Variants in IL1RAPL2 observed in about 807,000 individuals in gnomAD.
The protein encoded by IL1RAPL2 is interleukin 1 receptor accessory protein like 2.
In IL1RAPL2, 3 loss-of-function variants were observed where a neutral mutation model predicts 44.1. The ratio of observed to expected loss-of-function variants is 0.07; its 90% CI spans 0.03 to 0.18. The LOEUF (loss-of-function observed/expected upper bound fraction) is 0.18. Ranked by LOEUF, IL1RAPL2 falls within the 10% of genes least tolerant of loss-of-function variation. The pLI, the probability that IL1RAPL2 is intolerant of heterozygous loss-of-function variation, is 1.00. For missense variants in IL1RAPL2, 391 were observed against 496.4 expected, an observed-to-expected ratio of 0.79 and a Z score of 2.02; for synonymous variants, 181 against 178.8, an observed-to-expected ratio of 1.01 and a Z score of -0.10.
intron 6 of IL1RAPL2, among the ~76,000 whole-genome samples, chrX:105,701,921 C>A (rs1423755449): frequency 9.0e-6 from 1 of 111,277 alleles, no homozygotes; most frequent in Non-Finnish European, 1.9e-5. Flanking sequence ...GCTCCAGGGC[C>A]TCTTATCCAG....
intron 5 of IL1RAPL2, among the ~76,000 whole-genome samples, chrX:105,474,267 A>G (rs968536477): frequency 1.8e-5 from 2 of 111,750 alleles, no homozygotes; most frequent in African/African-American, 6.5e-5. Context: ...AGAAGGTAGA[A>G]AAGGAAAAGG....
chrX:105,619,707 T>G (rs931624488), intron 6 of IL1RAPL2, among the ~76,000 whole-genome samples: 1 of 111,054 alleles, frequency 9.0e-6, no homozygotes, highest in Non-Finnish European at 1.9e-5. Context: ...ATAGTGCCAG[T>G]TGAGACAGAG....
chrX:104,890,523 T>C (rs1203117569), intron 2 of IL1RAPL2, among the ~76,000 whole-genome samples: 2 of 112,475 alleles, frequency 1.8e-5, no homozygotes, highest in East Asian at 5.6e-4. Flanking sequence ...CATTGTGGTT[T>C]TGATTTGCAT....
chrX:105,287,425 G>A (rs1266105147), intron 5 of IL1RAPL2, among the ~76,000 whole-genome samples: 1 of 111,551 alleles, frequency 9.0e-6, no homozygotes, highest in Admixed American at 9.6e-5. Context: ...GTAGGTAAGG[G>A]ACAGACAGTG....
intron 6 of IL1RAPL2, among the ~76,000 whole-genome samples, chrX:105,512,923 C>T (rs989064443): frequency 9.1e-6 from 1 of 110,207 alleles, no homozygotes; most frequent in African/African-American, 3.3e-5. Flanking sequence ...TCCCCTAGGC[C>T]CCCAACCCCC....
chrX:105,348,441 T>C (rs2035127602), intron 5 of IL1RAPL2, among the ~76,000 whole-genome samples: 1 of 112,178 alleles, frequency 8.9e-6, no homozygotes, highest in Admixed American at 9.5e-5. Context: ...GACTTGGTGG[T>C]TTAAATAAAT....
At chrX:104,907,581 A>G (rs1924059633) in intron 2 of IL1RAPL2, among the ~76,000 whole-genome samples, 1 of 111,746 alleles carries the variant, frequency 8.9e-6, no homozygotes, top group Non-Finnish European at 1.9e-5. Context: ...ATTCAGGAGC[A>G]GGTTGTTCAG....
chrX:105,131,313 A>G (rs1301514107), intron 2 of IL1RAPL2, among the ~76,000 whole-genome samples: 1 of 110,311 alleles, frequency 9.1e-6, no homozygotes, highest in African/African-American at 3.3e-5. Context: ...GTAAAAGGCC[A>G]GATAGTAAAC....
intron 5 of IL1RAPL2, among the ~76,000 whole-genome samples, chrX:105,335,438 C>T (rs977942932): frequency 9.0e-6 from 1 of 111,065 alleles, no homozygotes; most frequent in Non-Finnish European, 1.9e-5. Flanking sequence ...AAAAGTGAGT[C>T]CTCGGTTCAG....
chrX:104,876,651 CTTTT>C (rs777164255), intron 2 of IL1RAPL2, among the ~76,000 whole-genome samples: 1 of 64,708 alleles, frequency 1.5e-5, no homozygotes. Context: ...ATATAGCTTT[CTTTT>C]TTTTTTTTTT....
chrX:105,049,395 A>G (rs1279611593), intron 2 of IL1RAPL2, among the ~76,000 whole-genome samples: 4 of 111,726 alleles, frequency 3.6e-5, no homozygotes, highest in Non-Finnish European at 7.5e-5. Flanking sequence ...CATGTTAGGC[A>G]GATTTTCTTT....
intron 2 of IL1RAPL2, among the ~76,000 whole-genome samples, chrX:104,925,631 C>A (rs1384850563): frequency 1.8e-5 from 2 of 111,786 alleles, no homozygotes; most frequent in Non-Finnish European, 3.8e-5. Flanking sequence ...GCAAAAAAGT[C>A]TTTCAATAAA....
chrX:105,489,096 T>C (rs2036290524), intron 6 of IL1RAPL2, among the ~76,000 whole-genome samples: 1 of 112,076 alleles, frequency 8.9e-6, no homozygotes, highest in Non-Finnish European at 1.9e-5. Context: ...AACAAAATAA[T>C]CTGAAAACTA....
chrX:105,476,077 G>C (rs956509781), intron 5 of IL1RAPL2, among the ~76,000 whole-genome samples: 2 of 112,715 alleles, frequency 1.8e-5, no homozygotes, highest in African/African-American at 6.4e-5. Context: ...CAGGGGCAAT[G>C]GTCAGGTAAG....
chrX:105,630,974 A>G (rs1415091765), intron 6 of IL1RAPL2, among the ~76,000 whole-genome samples: 3 of 111,204 alleles, frequency 2.7e-5, no homozygotes, highest in Non-Finnish European at 5.7e-5. Flanking sequence ...CCATGATTAT[A>G]TAATAACTTG....
At chrX:104,842,418 G>C (rs998221530) in intron 2 of IL1RAPL2, among the ~76,000 whole-genome samples, 2 of 110,883 alleles carry the variant, frequency 1.8e-5, no homozygotes, top group East Asian at 5.7e-4. Flanking sequence ...TCTCCTTCCA[G>C]TTTTGAGCTC....
intron 6 of IL1RAPL2, among the ~76,000 whole-genome samples, chrX:105,673,797 T>A (rs2037844646): frequency 8.9e-6 from 1 of 112,115 alleles, no homozygotes; most frequent in African/African-American, 3.2e-5. Flanking sequence ...AGTGTAAAAG[T>A]GTTCCTCTTT....
In IL1RAPL2 at chrX:105,636,428, C is replaced by T. The variant is rs770858447; in HGVS notation, c.773-80939C>T. Among the ~76,000 whole-genome samples the T allele has an allele frequency of 8.7e-4, 96 of 110,949 alleles. 1 individual carries two copies. Among genetic ancestry groups the T allele is most frequent in the African/African-American group, 3.0e-3 (93 of 30,570 alleles). On this transcript the variant is annotated intron_variant, in intron 6 of 10. Transcript: ENST00000372582. The stretch of plus-strand genomic sequence containing the variant: ...TATAAGTAATGAATGAATTAAGGTG[C>T]CAGCGTATTAGATAATGATATAATA...
At chrX:105,101,985 T>C (rs911760599) in intron 2 of IL1RAPL2, among the ~76,000 whole-genome samples, 4 of 111,959 alleles carry the variant, frequency 3.6e-5, no homozygotes, top group Non-Finnish European at 7.5e-5. Context: ...CATGCCTAAT[T>C]CAGGAAATGA....
Sources: allele counts gnomAD v4.1 joint callset (sites outside exome capture counted in the v4.1 genomes callset), GRCh38; gene constraint gnomAD v4.1.1; transcripts MANE v1.5; gene names NCBI Gene and HGNC (gene_info 2026-07-23, HGNC 2026-07-21).